Variants in CRADD observed in about 807,000 individuals in gnomAD.
The protein encoded by CRADD is death domain-containing protein CRADD.
A neutral mutation model predicts 15.5 loss-of-function variants in CRADD; 9 were observed. The ratio of observed to expected loss-of-function variants is 0.58; its 90% CI spans 0.35 to 1.01. CRADD has a LOEUF of 1.01. CRADD is among the 50% of genes least tolerant of loss of function. CRADD has a pLI of 0.02. For synonymous variants in CRADD, 118 were observed against 107.6 expected (o/e 1.10, Z -0.60); for missense variants, 227 against 250.3 (o/e 0.91, Z 0.63).
chr12:93,821,333 C>T (rs998039466), intron 2 of CRADD, among the ~76,000 whole-genome samples: 1 of 152,200 alleles, frequency 6.6e-6, no homozygotes, highest in East Asian at 1.9e-4. Context: ...TTTTCAGCTC[C>T]TAAGCTCGTT....
At chr12:93,772,364 A>G (rs1458224019) in intron 2 of CRADD, among the ~76,000 whole-genome samples, 2 of 152,230 alleles carry the variant, frequency 1.3e-5, no homozygotes, top group Non-Finnish European at 2.9e-5. Context: ...TGCCCTTTAC[A>G]AAAGAGGCAA....
intron 2 of CRADD, among the ~76,000 whole-genome samples, chr12:93,819,393 G>A (rs1312217492): frequency 6.6e-6 from 1 of 152,212 alleles, no homozygotes; most frequent in Non-Finnish European, 1.5e-5. Flanking sequence ...AGAACTAAAA[G>A]TAGCCTTGAA....
chr12:93,872,869 A>T (rs1958432805), intron 2 of CRADD, among the ~76,000 whole-genome samples: 1 of 152,088 alleles, frequency 6.6e-6, no homozygotes, highest in South Asian at 2.1e-4. Context: ...CTTTTTGCTT[A>T]GGATATCTTT....
chr12:93,768,453 TGTTAAA>T lies in CRADD; in HGVS notation c.299-81510_299-81505del, dbSNP rs537857958. On this transcript the variant is annotated intron_variant, in intron 2 of 2. Coordinates refer to ENST00000332896, the MANE Select transcript of CRADD (RefSeq NM_003805.5). ...AGCCAGCAAATACTCAAGTCCTCAG[TGTTAAA>T]GTTAAAATAAAATGTTTTAGGCAGC... 8.4e-4 allele frequency among the ~76,000 whole-genome samples: 128 copies of T among 151,710 alleles called. 1 individual carries two copies. The highest frequency in any genetic ancestry group is 1.7e-3 in the African/African-American group (72 of 41,444).
chr12:93,749,382 G>A (rs1956805337), intron 2 of CRADD, among the ~76,000 whole-genome samples: 2 of 152,178 alleles, frequency 1.3e-5, no homozygotes, highest in Admixed American at 1.3e-4. Context: ...AGCCTTATAA[G>A]TCCTGGACAG....
chr12:93,880,110 C>T (rs756675782), intron 2 of CRADD, among the ~76,000 whole-genome samples: 3 of 152,078 alleles, frequency 2.0e-5, no homozygotes, highest in African/African-American at 4.8e-5. Flanking sequence ...TTTCTCAGTG[C>T]TTTGGTATTC....
At chr12:93,837,944 A>G (rs1470831664) in intron 2 of CRADD, 1 of 152,168 alleles carries the variant, frequency 6.6e-6, no homozygotes, top group Non-Finnish European at 1.5e-5. Flanking sequence ...CTTTTAATTC[A>G]GTGCGAGCTC....
intron 2 of CRADD, among the ~76,000 whole-genome samples, chr12:93,879,186 A>G (rs1471486450): frequency 2.0e-5 from 3 of 152,158 alleles, no homozygotes; most frequent in African/African-American, 4.8e-5. Context: ...TTGAGTTTCT[A>G]TAATTTGTTA....
chr12:93,868,432 T>C (rs1958389301), intron 2 of CRADD, among the ~76,000 whole-genome samples: 1 of 152,200 alleles, frequency 6.6e-6, no homozygotes, highest in Admixed American at 6.5e-5. Context: ...TTTACAGCCT[T>C]ATTATTGAAT....
At chr12:93,779,272 A>C (rs1171865335) in intron 2 of CRADD, among the ~76,000 whole-genome samples, 1 of 152,226 alleles carries the variant, frequency 6.6e-6, no homozygotes, top group Admixed American at 6.5e-5. Flanking sequence ...TACTACCCTG[A>C]ACTTAGTTCT....
chr12:93,794,407 C>G (rs1296207219), intron 2 of CRADD, among the ~76,000 whole-genome samples: 1 of 122,672 alleles, frequency 8.2e-6, no homozygotes, highest in Non-Finnish European at 1.7e-5. Context: ...CCTCTTGGTA[C>G]CCCCATCTCA....
chr12:93,684,563 A>G (rs1256239441), intron 2 of CRADD, among the ~76,000 whole-genome samples: 1 of 152,234 alleles, frequency 6.6e-6, no homozygotes, highest in Non-Finnish European at 1.5e-5. Context: ...TGCTGGAGAT[A>G]TAACAGTAAA....
chr12:93,782,655 G>A (rs1957224976), intron 2 of CRADD, among the ~76,000 whole-genome samples: 1 of 150,474 alleles, frequency 6.6e-6, no homozygotes, highest in Admixed American at 6.6e-5. Flanking sequence ...AATCTTGTTT[G>A]GAACTTGATT....
downstream of CRADD, among the ~76,000 whole-genome samples, chr12:93,852,922 T>A (rs541051404): frequency 7.2e-5 from 11 of 151,992 alleles, no homozygotes; most frequent in African/African-American, 2.7e-4. Context: ...TTTTATTAAT[T>A]TTTTCAACAT....
chr12:93,850,596 T>C lies in CRADD; in HGVS notation c.*325T>C. On this transcript the variant is annotated 3_prime_UTR_variant, in exon 3 of 3. Coordinates refer to ENST00000332896, the MANE Select transcript of CRADD (RefSeq NM_003805.5). The surrounding 1 kb of genome is among the most constrained non-coding windows in gnomAD (Gnocchi z 4.0). ...AAATATATATCCATATATATATATATCCATATATATATCTCATGTCATCAC... is the reference window on the plus strand; with the variant it reads ...AAATATATATCCATATATATATATACCCATATATATATCTCATGTCATCAC... 1 of 864,580 alleles carries C rather than the reference T, an allele frequency of 1.2e-6. No individual in the cohort carries two copies. Among genetic ancestry groups the C allele is most frequent in the Non-Finnish European group, 1.4e-6 (1 of 714,966 alleles). The allele number at this position is 864,580 out of a possible 1,614,324, so 53.6% of individuals were successfully genotyped here.
At position 93,835,067 on chromosome 12, in the gene CRADD, C is replaced by G. The variant is rs150691246; in HGVS notation, c.299-14903C>G. Among the ~76,000 whole-genome samples the G allele has an allele frequency of 1.9e-3, 294 of 152,314 alleles. 2 individuals are homozygous for G. Among genetic ancestry groups the G allele is most frequent in the African/African-American group, 6.4e-3 (265 of 41,560 alleles). On this transcript the variant is annotated intron_variant, in intron 2 of 2. Transcript: ENST00000332896. ...AAGCAAACCATTTTCACTGGCCCCC[C>G]CATTGGTATGCACTGCTGATAGCTT...
At chr12:93,711,401 G>C (rs1956071777) in intron 2 of CRADD, among the ~76,000 whole-genome samples, 1 of 151,976 alleles carries the variant, frequency 6.6e-6, no homozygotes, top group Non-Finnish European at 1.5e-5. Flanking sequence ...GGCAAGCAGA[G>C]GGATCTTTTA....
chr12:93,853,477 T>C (rs1958244951), downstream of CRADD, among the ~76,000 whole-genome samples: 1 of 152,234 alleles, frequency 6.6e-6, no homozygotes, highest in Admixed American at 6.5e-5. Context: ...GACACTTAGC[T>C]ACTAAAAAGA....
chr12:93,811,605 T>A lies in CRADD; in HGVS notation c.299-38365T>A, dbSNP rs1372370158. On this transcript the variant is annotated intron_variant, in intron 2 of 2. Transcript: ENST00000332896. ...TTGAGACGTCGGGCAAGTGATTTAA[T>A]CTCTTGAAATCTCAGTTTGTTCATC... Among the ~76,000 whole-genome samples, 3 of 152,226 alleles carry A rather than the reference T, an allele frequency of 2.0e-5. No individual in the cohort carries two copies. In the East Asian group the frequency reaches 5.8e-4, roughly 29 times the overall value.
Sources: allele counts gnomAD v4.1 joint callset (sites outside exome capture counted in the v4.1 genomes callset), GRCh38; gene constraint gnomAD v4.1.1; non-coding constraint Gnocchi (gnomAD v3.1); transcripts MANE v1.5; gene names NCBI Gene and HGNC (gene_info 2026-07-23, HGNC 2026-07-21).